OR2L13: variants seen among roughly 807,000 people sequenced by gnomAD.
OR2L13 encodes the protein olfactory receptor 2L13.
OR2L13 carries 14 observed loss-of-function variants against 15.3 expected under a neutral mutation model. That is an observed-to-expected ratio of 0.91 (90% CI 0.60 to 1.43). The LOEUF is 1.43. Ranked by LOEUF, OR2L13 falls within the 40% of genes most tolerant of loss-of-function variation. OR2L13 has a pLI of 0.00. For missense variants in OR2L13, 367 were observed against 387.9 expected (o/e 0.95, Z 0.45); for synonymous variants, 152 against 142.9 (o/e 1.06, Z -0.45).
chr1:248,018,173 T>A, the OR2L13 span, among the ~76,000 whole-genome samples: 1 of 149,768 alleles, frequency 6.7e-6, no homozygotes, highest in African/African-American at 2.5e-5. Flanking sequence ...AAAAAAAAAT[T>A]CGTTATTTTT....
the OR2L13 span, among the ~76,000 whole-genome samples, chr1:247,982,029 A>G: frequency 2.6e-5 from 4 of 152,034 alleles, no homozygotes; most frequent in African/African-American, 9.7e-5. Context: ...GTTAGCCAGG[A>G]TGGTCTCAAT....
At chr1:248,050,531 A>C in the OR2L13 span, among the ~76,000 whole-genome samples, 1 of 152,222 alleles carries the variant, frequency 6.6e-6, no homozygotes, top group South Asian at 2.1e-4. Flanking sequence ...CATGGATAAT[A>C]AAAAGATGAT....
the OR2L13 span, among the ~76,000 whole-genome samples, chr1:247,958,471 AGCTGAGTTCAATT>A: frequency 5.9e-5 from 9 of 152,102 alleles, no homozygotes; most frequent in African/African-American, 2.2e-4. Flanking sequence ...CTTGGTGCAG[AGCTGAGTTCAATT>A]GCTGGATATC....
At chr1:247,949,625 C>T in the OR2L13 span, 18 of 1,613,888 alleles carry the variant, frequency 1.1e-5, no homozygotes, top group South Asian at 1.9e-4. Context: ...CTTTTGTCTA[C>T]ACTTATCTAC....
the OR2L13 span, among the ~76,000 whole-genome samples, chr1:247,981,167 T>G: frequency 6.6e-6 from 1 of 152,296 alleles, no homozygotes; most frequent in East Asian, 1.9e-4. Flanking sequence ...CTAAATGATG[T>G]TCATGGAAGA....
chr1:247,991,053 A>G, the OR2L13 span: 1 of 1,564,830 alleles, frequency 6.4e-7, no homozygotes, highest in African/African-American at 1.4e-5. Flanking sequence ...TACGCCCAAG[A>G]TCCCTGCGAT....
At chr1:247,975,509 A>C in the OR2L13 span, 2 of 988,946 alleles carry the variant, frequency 2.0e-6, no homozygotes, top group African/African-American at 3.2e-5. Flanking sequence ...TATCCAAGAT[A>C]CCTGCAATCT....
At chr1:247,980,625 C>G in the OR2L13 span, among the ~76,000 whole-genome samples, 1 of 152,154 alleles carries the variant, frequency 6.6e-6, no homozygotes, top group Non-Finnish European at 1.5e-5. Flanking sequence ...AAACGTTGGA[C>G]TAAGGCCATC....
chr1:247,971,537 C>T, the OR2L13 span, among the ~76,000 whole-genome samples: 1 of 152,164 alleles, frequency 6.6e-6, no homozygotes, highest in East Asian at 1.9e-4. Context: ...CTTTCAGACA[C>T]ATTAAGTGAA....
At chr1:248,010,348 G>T in the OR2L13 span, among the ~76,000 whole-genome samples, 3 of 152,172 alleles carry the variant, frequency 2.0e-5, no homozygotes, top group Admixed American at 6.5e-5. Flanking sequence ...TTCCAATTAT[G>T]TTGGGTCAGT....
chr1:248,005,341 T>A, the OR2L13 span, among the ~76,000 whole-genome samples: 4 of 152,036 alleles, frequency 2.6e-5, no homozygotes, highest in Non-Finnish European at 5.9e-5. Context: ...AATAAAAAAA[T>A]TAAATCAGTT....
At chr1:248,003,053 T>G in the OR2L13 span, 1 of 786,052 alleles carries the variant, frequency 1.3e-6, no homozygotes, top group African/African-American at 1.7e-5. Flanking sequence ...ATTCAGGGAT[T>G]GAAATTCTGC....
At chr1:248,095,607 C>CTTTTTTTTTTTTT (rs780686820), upstream of OR2L13, among the ~76,000 whole-genome samples, 2,693 of 37,260 alleles carry the variant, frequency 0.072, 1,144 homozygotes, top group South Asian at 0.15. Flanking sequence ...AAAGCTGCTG[C>CTTTTTTTTTTTTT]TTTTTTTTTT....
chr1:248,048,928 T>A, the OR2L13 span, among the ~76,000 whole-genome samples: 1 of 151,692 alleles, frequency 6.6e-6, no homozygotes, highest in Non-Finnish European at 1.5e-5. Context: ...TCTCTCTTTT[T>A]TTTTTTTTTG....
the OR2L13 span, among the ~76,000 whole-genome samples, chr1:248,025,164 C>G: frequency 2.0e-5 from 3 of 146,916 alleles, no homozygotes; most frequent in Non-Finnish European, 3.0e-5. Flanking sequence ...AACAGGCAAC[C>G]TACAAAATGG....
the OR2L13 span, chr1:247,966,146 T>C: frequency 3.2e-5 from 52 of 1,614,012 alleles, no homozygotes; most frequent in Admixed American, 1.0e-4. Flanking sequence ...ACCACTCTCT[T>C]TACCTACACA....
the OR2L13 span, chr1:248,039,587 G>GT: frequency 0.037 from 5,616 of 152,864 alleles, 323 homozygotes; most frequent in African/African-American, 0.13. Flanking sequence ...TGCCCTGCCT[G>GT]TTTTTTTTTT....
chr1:248,040,226 A>G, the OR2L13 span: 1 of 152,206 alleles, frequency 6.6e-6, no homozygotes, highest in African/African-American at 2.4e-5. Flanking sequence ...AAGGATCAAC[A>G]TTATTTCATA....
chr1:247,960,695 G>C, the OR2L13 span, among the ~76,000 whole-genome samples: 1 of 152,202 alleles, frequency 6.6e-6, no homozygotes, highest in African/African-American at 2.4e-5. Context: ...TCAGACTGCT[G>C]TGCTAGCAAT....
Sources: allele counts gnomAD v4.1 joint callset (sites outside exome capture counted in the v4.1 genomes callset), GRCh38; gene constraint gnomAD v4.1.1; transcripts MANE v1.5; gene names NCBI Gene and HGNC (gene_info 2026-07-23, HGNC 2026-07-21).